The following NRXN1 variants were observed in gnomAD, a reference collection of about 807,000 sequenced individuals.
The protein encoded by NRXN1 is neurexin 1, also known as neurexin-1.
A neutral mutation model predicts 150.9 loss-of-function variants in NRXN1; 39 were observed. The observed-to-expected ratio is 0.26, with a 90% CI of 0.20 to 0.34. The LOEUF (loss-of-function observed/expected upper bound fraction) is 0.34. NRXN1 is among the 10% of genes least tolerant of loss of function. NRXN1 has a pLI of 1.00. For missense variants in NRXN1, 1,815 were observed against 1,949.9 expected, an observed-to-expected ratio of 0.93 and a Z score of 1.30; for synonymous variants, 924 against 757.0, an observed-to-expected ratio of 1.22 and a Z score of -3.62.
chr2:50,424,068 G>A (rs964160284), intron 17 of NRXN1, among the ~76,000 whole-genome samples: 3 of 148,884 alleles, frequency 2.0e-5, no homozygotes, highest in African/African-American at 7.4e-5. Flanking sequence ...ACAGTGGGAG[G>A]TTCTGAGCAA....
At chr2:50,453,867 G>C (rs377203524) in intron 17 of NRXN1, among the ~76,000 whole-genome samples, 11 of 152,124 alleles carry the variant, frequency 7.2e-5, no homozygotes, top group East Asian at 3.8e-4. Context: ...TACTTCAAGA[G>C]TGTCAAATCT....
intron 12 of NRXN1, among the ~76,000 whole-genome samples, chr2:50,518,442 T>G (rs762067322): frequency 6.6e-6 from 1 of 151,888 alleles, no homozygotes; most frequent in Non-Finnish European, 1.5e-5. Context: ...AAACTGAAAA[T>G]GTATTCAGTG....
At chr2:49,924,604 G>A (rs1256387987) in intron 22 of NRXN1, among the ~76,000 whole-genome samples, 1 of 152,160 alleles carries the variant, frequency 6.6e-6, no homozygotes, top group East Asian at 1.9e-4. Context: ...TGTGCCATAT[G>A]CATTTGAAAA....
chr2:50,763,432 C>G (rs1460488803), intron 5 of NRXN1, among the ~76,000 whole-genome samples: 1 of 152,010 alleles, frequency 6.6e-6, no homozygotes. Flanking sequence ...AATGCATATA[C>G]AAAATACAGC....
chr2:50,603,476 G>T (rs986926474), intron 8 of NRXN1, among the ~76,000 whole-genome samples: 1 of 152,090 alleles, frequency 6.6e-6, no homozygotes, highest in Non-Finnish European at 1.5e-5. Context: ...AACTAAGCAG[G>T]CAGATAGGAA....
intron 2 of NRXN1, among the ~76,000 whole-genome samples, chr2:50,933,724 C>A (rs1688115630): frequency 6.6e-6 from 1 of 152,040 alleles, no homozygotes. Context: ...AAAATCAAAT[C>A]AACACAAATA....
chr2:50,392,186 T>C (rs559800027), intron 17 of NRXN1, among the ~76,000 whole-genome samples: 19 of 152,128 alleles, frequency 1.2e-4, no homozygotes, highest in Non-Finnish European at 1.5e-4. Context: ...CAAACTTATT[T>C]AATAATACCA....
intron 17 of NRXN1, among the ~76,000 whole-genome samples, chr2:50,244,324 C>A (rs1465752427): frequency 6.6e-6 from 1 of 151,754 alleles, no homozygotes; most frequent in Non-Finnish European, 1.5e-5. Context: ...CCAATAGCAG[C>A]AAAGACTGCA....
chr2:50,484,940 C>G (rs771947848), intron 15 of NRXN1, among the ~76,000 whole-genome samples: 1 of 152,148 alleles, frequency 6.6e-6, no homozygotes, highest in Non-Finnish European at 1.5e-5. Flanking sequence ...TAGCTTTTCA[C>G]TGTAGACATT....
chr2:50,823,823 G>C (rs1320735514), intron 5 of NRXN1, among the ~76,000 whole-genome samples: 1 of 152,152 alleles, frequency 6.6e-6, no homozygotes, highest in Non-Finnish European at 1.5e-5. Context: ...AGAGATTTAT[G>C]AGTGTGATCA....
At chr2:50,330,566 A>G (rs1285054458) in intron 17 of NRXN1, among the ~76,000 whole-genome samples, 1 of 152,162 alleles carries the variant, frequency 6.6e-6, no homozygotes, top group South Asian at 2.1e-4. Flanking sequence ...TCTCTCCATT[A>G]AAAAAATCCC....
chr2:50,420,215 T>G (rs2083869377), intron 17 of NRXN1, among the ~76,000 whole-genome samples: 1 of 151,978 alleles, frequency 6.6e-6, no homozygotes, highest in African/African-American at 2.4e-5. Context: ...CAAATCAAAG[T>G]GAGCACTGCC....
chr2:50,220,916 C>G (rs1325727742), intron 18 of NRXN1, among the ~76,000 whole-genome samples: 5 of 152,086 alleles, frequency 3.3e-5, no homozygotes, highest in African/African-American at 1.2e-4. Context: ...GATATGCACA[C>G]AAATCATTGC....
intron 5 of NRXN1, among the ~76,000 whole-genome samples, chr2:50,701,536 A>G (rs979433201): frequency 3.1e-4 from 47 of 152,100 alleles, no homozygotes; most frequent in African/African-American, 9.9e-4. Flanking sequence ...ATGGTATTCT[A>G]TTTCTATCAT....
intron 17 of NRXN1, among the ~76,000 whole-genome samples, chr2:50,256,495 T>C (rs190605303): frequency 1.3e-4 from 20 of 152,282 alleles, no homozygotes; most frequent in Admixed American, 1.2e-3. Context: ...TTGACTAAAT[T>C]TTGATACTTC....
At chr2:50,977,246 A>C (rs1695991302) in intron 2 of NRXN1, among the ~76,000 whole-genome samples, 1 of 151,952 alleles carries the variant, frequency 6.6e-6, no homozygotes, top group Non-Finnish European at 1.5e-5. Flanking sequence ...TTACAAATGC[A>C]ATTATAATCA....
rs1295558930 is a variant in NRXN1, at chr2:50,025,778, G to A, written c.4128+27493C>T. ...ACTTTCCTATTTTATGCATGCTTAA[G>A]CAGGTTAAGTGGCTTGATAAAGGTC... is the stretch of plus-strand genomic sequence containing the variant. On this transcript the variant is annotated intron_variant, in intron 21 of 22. Transcript: ENST00000401669. Among the ~76,000 whole-genome samples, 3 of 152,274 alleles carry A rather than the reference G, an allele frequency of 2.0e-5. No individual in the cohort carries two copies. The East Asian group carries it at 5.8e-4, about 29-fold the overall frequency.
At chr2:50,092,728 T>C (rs1699753616) in intron 18 of NRXN1, among the ~76,000 whole-genome samples, 1 of 152,190 alleles carries the variant, frequency 6.6e-6, no homozygotes, top group African/African-American at 2.4e-5. Context: ...AAGGAAAATA[T>C]TTGAGGATGT....
intron 2 of NRXN1, among the ~76,000 whole-genome samples, chr2:50,957,578 T>A (rs571135316): frequency 6.6e-6 from 1 of 152,124 alleles, no homozygotes; most frequent in South Asian, 2.1e-4. Flanking sequence ...GTGATATCCC[T>A]GGCATAATAT....
Sources: allele counts gnomAD v4.1 joint callset (sites outside exome capture counted in the v4.1 genomes callset), GRCh38; gene constraint gnomAD v4.1.1; transcripts MANE v1.5; gene names NCBI Gene and HGNC (gene_info 2026-07-23, HGNC 2026-07-21).